Variants in PLAC1 observed in about 807,000 individuals in gnomAD.
The protein encoded by PLAC1 is placenta associated 1, also known as placenta-specific protein 1.
For synonymous variants in PLAC1, 68 were observed against 62.1 expected, an observed-to-expected ratio of 1.09 and a Z score of -0.44; for missense variants, 136 against 163.2, an observed-to-expected ratio of 0.83 and a Z score of 0.91.
intron 2 of PLAC1, among the ~76,000 whole-genome samples, chrX:134,693,516 T>A (rs760394791): frequency 8.9e-6 from 1 of 111,761 alleles, no homozygotes; most frequent in Admixed American, 9.5e-5. Flanking sequence ...ATTTTATTAG[T>A]GAGGAAATGA....
chrX:134,750,862 TTTATATATATATATTTATAA>T lies in PLAC1; in HGVS notation n.89+13352_89+13371del, dbSNP rs2078741217. Among the ~76,000 whole-genome samples the T allele has an allele frequency of 2.2e-4, 4 of 18,385 alleles. 2 individuals carry two copies. The highest frequency in any genetic ancestry group is 1.9e-3 in the African/African-American group (4 of 2,083). The allele number at this position is 18,385 out of a possible 115,157, so 16.0% of individuals were successfully genotyped here. A position where few individuals can be genotyped will look rare whatever the true frequency, so the allele number is the denominator to read the frequency against. On this transcript the variant is annotated intron_variant and non_coding_transcript_variant, in intron 1 of 2. Coordinates refer to the PLAC1 transcript ENST00000466797. ...ATATATATATTTATATATATATATT[TTTATATATATATATTTATAA>T]ATATATATATATATATTTATATATA...
intron 1 of PLAC1, among the ~76,000 whole-genome samples, chrX:134,652,450 T>G (rs990343991): frequency 8.9e-6 from 1 of 112,246 alleles, no homozygotes; most frequent in South Asian, 3.7e-4. Context: ...GTGGTGCAGC[T>G]GGCCCTTGGT....
At chrX:134,714,521 T>G (rs1365402052) in intron 2 of PLAC1, among the ~76,000 whole-genome samples, 1 of 111,631 alleles carries the variant, frequency 9.0e-6, no homozygotes, top group East Asian at 2.8e-4. Context: ...TTTAACCATT[T>G]TAAGCGTACG....
chrX:134,752,883 G>C (rs1253377196), intron 1 of PLAC1, among the ~76,000 whole-genome samples: 1 of 111,342 alleles, frequency 9.0e-6, no homozygotes, highest in Non-Finnish European at 1.9e-5. Flanking sequence ...AAAATAAATT[G>C]AAAAGAGGGC....
chrX:134,663,769 T>C (rs1224234827), intron 2 of PLAC1, among the ~76,000 whole-genome samples: 1 of 112,542 alleles, frequency 8.9e-6, no homozygotes, highest in Admixed American at 9.4e-5. Flanking sequence ...TGGTGACAAA[T>C]TTGTTGATTT....
intron 1 of PLAC1, among the ~76,000 whole-genome samples, chrX:134,652,802 C>T (rs755969348): frequency 3.0e-4 from 7 of 23,310 alleles, no homozygotes; most frequent in African/African-American, 4.9e-4. Flanking sequence ...AAAGCATGGG[C>T]GGGGGTGGGG....
intron 2 of PLAC1, among the ~76,000 whole-genome samples, chrX:134,696,958 G>A (rs1055617228): frequency 8.3e-5 from 9 of 107,970 alleles, no homozygotes; most frequent in African/African-American, 1.0e-4. Flanking sequence ...GCGTGAACCC[G>A]GGAGGCGGAG....
At chrX:134,641,798 G>A (rs750463223) in intron 1 of PLAC1, among the ~76,000 whole-genome samples, 1 of 112,288 alleles carries the variant, frequency 8.9e-6, no homozygotes, top group Admixed American at 9.4e-5. Context: ...AAAACTGAGG[G>A]CAGCAGAGCA....
chrX:134,612,327 A>G (rs1455929670), intron 1 of PLAC1, among the ~76,000 whole-genome samples: 4 of 112,300 alleles, frequency 3.6e-5, no homozygotes, highest in African/African-American at 1.3e-4. Flanking sequence ...GGACACTGTG[A>G]AGATTAAATG....
chrX:134,650,378 C>T (rs747855785), intron 1 of PLAC1, among the ~76,000 whole-genome samples: 1 of 111,686 alleles, frequency 9.0e-6, no homozygotes, highest in South Asian at 3.8e-4. Context: ...CACGGAGAGA[C>T]AGCTGACACT....
At chrX:134,601,502 C>G (rs188623632) in intron 2 of PLAC1, 1 of 112,080 alleles carries the variant, frequency 8.9e-6, no homozygotes, top group Non-Finnish European at 1.9e-5. Context: ...TGCATTAACA[C>G]AGAATATTTT....
intron 2 of PLAC1, among the ~76,000 whole-genome samples, chrX:134,591,143 G>C (rs906441144): frequency 2.7e-5 from 3 of 112,052 alleles, no homozygotes; most frequent in Non-Finnish European, 3.8e-5. Context: ...GCACAGCTCA[G>C]GTAGGTCTCT....
chrX:134,726,416 C>A (rs774650863), intron 2 of PLAC1, among the ~76,000 whole-genome samples: 14 of 111,889 alleles, frequency 1.3e-4, no homozygotes, highest in African/African-American at 4.2e-4. Flanking sequence ...CCCTTATAAT[C>A]GGGACCTGTT....
At position 134,705,251 on chromosome X, in the gene PLAC1, C is replaced by T. The variant is rs190792969; in HGVS notation, n.174+28184G>A. Among the ~76,000 whole-genome samples the T allele has an allele frequency of 5.7e-3, 602 of 105,168 alleles. 7 individuals carry two copies. Among genetic ancestry groups the T allele is most frequent in the African/African-American group, 0.019 (534 of 28,718 alleles). 91.3% of individuals were successfully genotyped at this position (105,168 alleles called of 115,157 possible). On this transcript the variant is annotated intron_variant and non_coding_transcript_variant, in intron 2 of 2. Transcript: ENST00000466797. ...CTGGCCAAGATGGTGAAACCTGTCT[C>T]TACTAAAAATACAAAAAGTTAGTCG... is the stretch of plus-strand genomic sequence containing the variant.
chrX:134,569,831 A>G (rs1602783533), intron 2 of PLAC1, among the ~76,000 whole-genome samples: 1 of 95,591 alleles, frequency 1.0e-5, no homozygotes, highest in African/African-American at 3.9e-5. Context: ...TATTATTATT[A>G]TTGTTATTAT....
chrX:134,755,042 T>C (rs1256119420), intron 1 of PLAC1, among the ~76,000 whole-genome samples: 1 of 111,877 alleles, frequency 8.9e-6, no homozygotes, highest in Non-Finnish European at 1.9e-5. Flanking sequence ...ATTTATCATG[T>C]AAATTTGCAA....
intron 1 of PLAC1, among the ~76,000 whole-genome samples, chrX:134,643,076 ATTC>A (rs2078314818): frequency 8.9e-6 from 1 of 112,188 alleles, no homozygotes; most frequent in Admixed American, 9.5e-5. Flanking sequence ...AGAGAATATT[ATTC>A]TTAGTAATTG....
At chrX:134,585,043 T>C (rs2124366456) in intron 2 of PLAC1, among the ~76,000 whole-genome samples, 1 of 110,078 alleles carries the variant, frequency 9.1e-6, no homozygotes, top group South Asian at 3.9e-4. Context: ...ATTTAAAAAG[T>C]ATTTTAGGCC....
intron 2 of PLAC1, 45 bp from the exon 3 acceptor site, chrX:134,566,785 T>C (rs1316263300): frequency 1.5e-6 from 1 of 645,410 alleles, no homozygotes; most frequent in Non-Finnish European, 2.3e-6. Context: ...TTATTTTCTA[T>C]TGAAAGTTCA....
Sources: gnomAD v4.1 joint callset for allele counts (sites outside exome capture counted in the v4.1 genomes callset) on GRCh38, gnomAD v4.1.1 for gene constraint, MANE v1.5 for transcripts, NCBI Gene and HGNC (gene_info 2026-07-23, HGNC 2026-07-21) for gene names.